FOXP1: variants seen among roughly 807,000 people sequenced by gnomAD.
FOXP1 encodes the protein forkhead box P1.
FOXP1 carries 15 observed loss-of-function variants against 98.2 expected under a neutral mutation model. That is an observed-to-expected ratio of 0.15 (90% confidence interval 0.10 to 0.24). The LOEUF is 0.24. Ranked by LOEUF, FOXP1 falls within the 10% of genes least tolerant of loss-of-function variation. The pLI, the probability that FOXP1 is intolerant of heterozygous loss-of-function variation, is 1.00. For missense variants in FOXP1, 633 were observed against 848.5 expected, an observed-to-expected ratio of 0.75 and a Z score of 3.15; for synonymous variants, 371 against 314.5, an observed-to-expected ratio of 1.18 and a Z score of -1.90.
intron 3 of FOXP1, among the ~76,000 whole-genome samples, chr3:71,425,256 C>T (rs2084048052): frequency 6.6e-6 from 1 of 152,174 alleles, no homozygotes; most frequent in Admixed American, 6.5e-5. Context: ...GCTGGGATTA[C>T]AGGCATGTGC....
chr3:71,096,746 T>C (rs1485101089), intron 7 of FOXP1, among the ~76,000 whole-genome samples: 1 of 152,196 alleles, frequency 6.6e-6, no homozygotes, highest in Non-Finnish European at 1.5e-5. Context: ...AGATATATTA[T>C]GAAAATATTC....
chr3:70,967,877 T>C (rs1278018560), intron 19 of FOXP1, among the ~76,000 whole-genome samples: 2 of 151,988 alleles, frequency 1.3e-5, no homozygotes, highest in Non-Finnish European at 2.9e-5. Context: ...TATTCCAAGG[T>C]CAGAATGTGG....
At chr3:71,348,282 T>G (rs2077499148) in intron 4 of FOXP1, among the ~76,000 whole-genome samples, 1 of 152,152 alleles carries the variant, frequency 6.6e-6, no homozygotes, top group Non-Finnish European at 1.5e-5. Context: ...ACACAGCAAT[T>G]CATAAAGGCC....
intron 6 of FOXP1, among the ~76,000 whole-genome samples, chr3:71,193,959 A>C (rs2063153768): frequency 1.3e-5 from 2 of 152,144 alleles, no homozygotes; most frequent in South Asian, 4.1e-4. Context: ...TAGTCATTTC[A>C]CATTTTCTCT....
At chr3:71,306,661 A>G (rs1001628198) in intron 4 of FOXP1, among the ~76,000 whole-genome samples, 7 of 140,390 alleles carry the variant, frequency 5.0e-5, no homozygotes, top group African/African-American at 1.3e-4. Flanking sequence ...AAAAAACGCT[A>G]CTTAACTATA....
intron 2 of FOXP1, among the ~76,000 whole-genome samples, chr3:71,528,475 TAATA>T (rs1407226145): frequency 5.3e-5 from 8 of 152,254 alleles, no homozygotes; most frequent in African/African-American, 1.9e-4. Context: ...CTCAAAGAAA[TAATA>T]AATAATGTTT....
intron 19 of FOXP1, among the ~76,000 whole-genome samples, chr3:70,967,697 T>TTG (rs1559585971): frequency 1.1e-4 from 11 of 104,522 alleles, no homozygotes; most frequent in African/African-American, 4.4e-4. Context: ...GTTTTTTTTT[T>TTG]TTGTTTTTTT....
intron 3 of FOXP1, among the ~76,000 whole-genome samples, chr3:71,454,438 G>C (rs1451007410): frequency 2.0e-5 from 3 of 152,060 alleles, no homozygotes. Flanking sequence ...AAACCACAGA[G>C]ACAAAAAGCA....
At chr3:71,382,042 C>T (rs2080216814) in intron 3 of FOXP1, among the ~76,000 whole-genome samples, 2 of 152,184 alleles carry the variant, frequency 1.3e-5, no homozygotes, top group African/African-American at 4.8e-5. Context: ...AAGGCCTAGG[C>T]AGGCGAGTTT....
chr3:71,211,431 C>G (rs1287169287), intron 5 of FOXP1, among the ~76,000 whole-genome samples: 1 of 152,098 alleles, frequency 6.6e-6, no homozygotes, highest in Non-Finnish European at 1.5e-5. Flanking sequence ...GTCTCCAACT[C>G]CTGACCTCAA....
intron 20 of FOXP1, among the ~76,000 whole-genome samples, chr3:70,960,479 C>T (rs989101988): frequency 6.6e-6 from 1 of 152,130 alleles, no homozygotes; most frequent in Non-Finnish European, 1.5e-5. Context: ...AAATGTTGTT[C>T]GTAAATCATA....
intron 5 of FOXP1, among the ~76,000 whole-genome samples, chr3:71,221,612 C>G (rs998820108): frequency 1.3e-5 from 2 of 152,220 alleles, no homozygotes; most frequent in African/African-American, 2.4e-5. Flanking sequence ...ACCTCCTTCT[C>G]TCTACCGCAT....
At chr3:71,009,454 T>C (rs2043269580) in intron 12 of FOXP1, among the ~76,000 whole-genome samples, 1 of 152,118 alleles carries the variant, frequency 6.6e-6, no homozygotes, top group Non-Finnish European at 1.5e-5. Flanking sequence ...GCTGAAAATA[T>C]TTACTGTCTA....
At position 70,955,334 on chromosome 3, in the gene FOXP1, G is replaced by A; in HGVS notation, c.*3913C>T. On this transcript the variant is annotated 3_prime_UTR_variant, in exon 21 of 21. Transcript: ENST00000649528. ...GGGGATGGTGTTAGAGCTGTCCAAA[G>A]GTGGCAGGACTGGTGGTAACTCTTC... is the stretch of plus-strand genomic sequence containing the variant. The A allele has an allele frequency of 4.3e-6, 1 of 232,918 alleles. No homozygotes were observed. Among genetic ancestry groups the A allele is most frequent in the Non-Finnish European group, 8.5e-6 (1 of 117,836 alleles). The allele number at this position is 232,918 out of a possible 1,614,324, so 14.4% of individuals were successfully genotyped here.
At chr3:71,082,562 C>G (rs1219937327) in intron 7 of FOXP1, among the ~76,000 whole-genome samples, 1 of 149,138 alleles carries the variant, frequency 6.7e-6, no homozygotes, top group Non-Finnish European at 1.5e-5. Context: ...CACCAGGGCA[C>G]ATGTATACCT....
chr3:71,352,107 T>C (rs1177740515), intron 4 of FOXP1, among the ~76,000 whole-genome samples: 1 of 152,106 alleles, frequency 6.6e-6, no homozygotes, highest in Non-Finnish European at 1.5e-5. Context: ...AACAAAATAA[T>C]GCCTGCAAGT....
chr3:71,089,795 G>A (rs748402526), intron 7 of FOXP1, among the ~76,000 whole-genome samples: 6 of 152,162 alleles, frequency 3.9e-5, no homozygotes, highest in Non-Finnish European at 4.4e-5. Context: ...CCACTATAGC[G>A]TGCTGTTGCC....
At chr3:71,532,799 G>T (rs1247154857) in intron 2 of FOXP1, among the ~76,000 whole-genome samples, 1 of 152,120 alleles carries the variant, frequency 6.6e-6, no homozygotes, top group Non-Finnish European at 1.5e-5. Flanking sequence ...AGTGCCGTAA[G>T]CAACAACTAA....
chr3:71,033,071 A>G (rs953160668), intron 11 of FOXP1, among the ~76,000 whole-genome samples: 4 of 152,206 alleles, frequency 2.6e-5, no homozygotes, highest in East Asian at 3.8e-4. Flanking sequence ...CTCCTGCCAC[A>G]TGCTTTCCCT....
Sources: gnomAD v4.1 joint callset for allele counts (sites outside exome capture counted in the v4.1 genomes callset) on GRCh38, gnomAD v4.1.1 for gene constraint, MANE v1.5 for transcripts, NCBI Gene and HGNC (gene_info 2026-07-23, HGNC 2026-07-21) for gene names.